The following MYO6 variants were observed in gnomAD, a reference collection of about 807,000 sequenced individuals.
MYO6 encodes the protein unconventional myosin-VI.
In MYO6, 74 loss-of-function variants were observed where a neutral mutation model predicts 178.7. The ratio of observed to expected loss-of-function variants is 0.41; its 90% confidence interval spans 0.34 to 0.50. The LOEUF (loss-of-function observed/expected upper bound fraction) is 0.50, where lower values mean the gene tolerates loss of function less well. MYO6 is among the 20% of genes least tolerant of loss of function. MYO6 has a pLI of 0.09. For missense variants in MYO6, 1,330 were observed against 1,547.4 expected (o/e 0.86, Z 2.36); for synonymous variants, 477 against 504.6 (o/e 0.95, Z 0.73).
intron 5 of MYO6, among the ~76,000 whole-genome samples, chr6:75,832,121 T>A (rs1371966308): frequency 1.3e-5 from 2 of 152,190 alleles, no homozygotes; most frequent in Non-Finnish European, 2.9e-5. Context: ...TGCTTTCAAC[T>A]TGTCTGTGTA....
chr6:75,792,755 C>T (rs1215797047), intron 1 of MYO6, among the ~76,000 whole-genome samples: 1 of 151,874 alleles, frequency 6.6e-6, no homozygotes, highest in African/African-American at 2.4e-5. Flanking sequence ...TTGAACATTT[C>T]TGTGAAACTT....
chr6:75,916,163 A>G lies in MYO6; in HGVS notation c.*1151A>G, dbSNP rs531054916. ...ATTTGGAATTTAAAGACAAAAATAC[A>G]TCAAGGAGTTATGCTGACATAATTC... On this transcript the variant is annotated 3_prime_UTR_variant, in exon 35 of 35. Transcript: ENST00000369977. 21 of 152,368 alleles carry G rather than the reference A, an allele frequency of 1.4e-4. No homozygotes were observed. The highest frequency in any genetic ancestry group is 1.0e-3 in the South Asian group (5 of 4,830). 9.4% of individuals were successfully genotyped at this position (152,368 alleles called of 1,614,324 possible).
intron 1 of MYO6, among the ~76,000 whole-genome samples, chr6:75,760,372 A>C (rs1249543477): frequency 1.3e-5 from 2 of 152,192 alleles, no homozygotes; most frequent in Non-Finnish European, 2.9e-5. Flanking sequence ...TAGGGATATA[A>C]GTAATACTCC....
At chr6:75,821,626 C>CACACAA (rs946099570) in intron 2 of MYO6, among the ~76,000 whole-genome samples, 4 of 151,264 alleles carry the variant, frequency 2.6e-5, no homozygotes, top group African/African-American at 9.7e-5. Flanking sequence ...TGTAGCTTTA[C>CACACAA]ACACACACAC....
chr6:75,882,592 C>T (rs1778129523), intron 23 of MYO6, among the ~76,000 whole-genome samples: 1 of 151,740 alleles, frequency 6.6e-6, no homozygotes, highest in Non-Finnish European at 1.5e-5. Flanking sequence ...ATGAAAGTCC[C>T]AAAACTAGGA....
chr6:75,802,012 TAAGA>T (rs987008718), intron 1 of MYO6, among the ~76,000 whole-genome samples: 3 of 152,198 alleles, frequency 2.0e-5, no homozygotes, highest in African/African-American at 7.2e-5. Flanking sequence ...GTATGTCAAT[TAAGA>T]AAGAATAATA....
At position 75,855,276 on chromosome 6, in the gene MYO6, G is replaced by C. The variant is rs377562418; in HGVS notation, c.1216G>C (p.Val406Leu). ...LTTAGGTKGT[V>L]IKVPLKVEQA... is the part of the protein sequence containing the mutation. ...AACAGCAGGGGGCACCAAAGGAACA[G>C]TTATAAAGTAAGTTCCTTAAGTAAT... is the stretch of plus-strand genomic sequence containing the variant. Residue 406 changes from valine to leucine, a missense_variant, in exon 12 of 35, where the codon GTT (valine) becomes CTT (leucine). By Grantham distance (32) the Val-to-Leu change is conservative. This residue lies in a region of MYO6 where 613 missense variants were observed against 816.8 expected (regional missense o/e 0.75). Coordinates refer to ENST00000369977, the MANE Select transcript of MYO6 (RefSeq NM_004999.4). 36 of 1,613,240 alleles carry C rather than the reference G, an allele frequency of 2.2e-5. No individual in the cohort carries two copies. The highest frequency in any genetic ancestry group is 3.0e-5 in the Non-Finnish European group (35 of 1,179,548).
chr6:75,901,564 A>G (rs62414806), intron 30 of MYO6, among the ~76,000 whole-genome samples: 34,498 of 152,010 alleles, frequency 0.23, 5,131 homozygotes, highest in Middle Eastern at 0.38. Flanking sequence ...TGATTTTTGT[A>G]CATTGATTTT....
At chr6:75,871,803 A>C (rs1777173819) in intron 19 of MYO6, among the ~76,000 whole-genome samples, 3 of 152,012 alleles carry the variant, frequency 2.0e-5, no homozygotes, top group Non-Finnish European at 2.9e-5. Context: ...GATTTATAGA[A>C]AAAAAAGCAT....
rs999033302 is a variant in MYO6, at chr6:75,917,068, C to T, written c.*2056C>T. 1.3e-5 allele frequency: 2 copies of T among 152,320 alleles called. No homozygotes were observed. Among genetic ancestry groups the T allele is most frequent in the African/African-American group, 4.8e-5 (2 of 41,442 alleles). 9.4% of individuals were successfully genotyped at this position (152,320 alleles called of 1,614,324 possible). On this transcript the variant is annotated 3_prime_UTR_variant, in exon 35 of 35. Coordinates refer to ENST00000369977, the MANE Select transcript of MYO6 (RefSeq NM_004999.4). ...CAGTAACCTACGTACAGTAGATGCA[C>T]ATACACACAGACACCCCTTTGCTGG...
chr6:75,827,629 A>G (rs1772620108), intron 3 of MYO6, among the ~76,000 whole-genome samples: 1 of 152,142 alleles, frequency 6.6e-6, no homozygotes, highest in African/African-American at 2.4e-5. Flanking sequence ...AAAAGAGGTA[A>G]TGAGAACTAA....
chr6:75,877,404 T>C (rs1349858815), intron 20 of MYO6, among the ~76,000 whole-genome samples: 1 of 151,952 alleles, frequency 6.6e-6, no homozygotes, highest in Admixed American at 6.6e-5. Flanking sequence ...GTAGGTGGGA[T>C]TACAGGCGCC....
At chr6:75,820,288 T>C (rs1471846552) in intron 2 of MYO6, among the ~76,000 whole-genome samples, 1 of 152,184 alleles carries the variant, frequency 6.6e-6, no homozygotes, top group African/African-American at 2.4e-5. Context: ...GTCCTTACCA[T>C]ACCCCAGGTG....
chr6:75,815,467 A>G (rs961514447), intron 1 of MYO6, among the ~76,000 whole-genome samples: 1 of 152,338 alleles, frequency 6.6e-6, no homozygotes, highest in South Asian at 2.1e-4. Flanking sequence ...AACTTTGAGC[A>G]TCACTCATAC....
At chr6:75,840,736 C>A in intron 8 of MYO6, 54 bp downstream of exon 8, 3 of 1,325,180 alleles carry the variant, frequency 2.3e-6, no homozygotes, top group Non-Finnish European at 3.2e-6. Flanking sequence ...TGTGAAAATG[C>A]AAGGGTCAGT....
chr6:75,866,672 G>A (rs1443665952), intron 17 of MYO6, 51 bp downstream of exon 17: 2 of 1,423,882 alleles, frequency 1.4e-6, no homozygotes, highest in East Asian at 2.3e-5. Flanking sequence ...AAGCTGCACT[G>A]TACAGTATGA....
chr6:75,891,368 C>G, intron 27 of MYO6, 62 bp downstream of exon 27: 1 of 1,283,418 alleles, frequency 7.8e-7, no homozygotes, highest in Non-Finnish European at 1.1e-6. Flanking sequence ...TGTGGTGGCT[C>G]ATGCCTGTAA....
intron 25 of MYO6, among the ~76,000 whole-genome samples, chr6:75,887,639 C>A (rs200494583): frequency 6.0e-3 from 648 of 107,800 alleles, no homozygotes; most frequent in Non-Finnish European, 7.1e-3. Context: ...GACTCCATCT[C>A]AAAAAAAAAA....
chr6:75,904,539 A>G (rs966373641), intron 30 of MYO6, among the ~76,000 whole-genome samples: 3 of 152,038 alleles, frequency 2.0e-5, no homozygotes, highest in Admixed American at 2.0e-4. Flanking sequence ...AGGCTTCTGC[A>G]TTCTTCACGT....
Sources: allele counts gnomAD v4.1 joint callset (sites outside exome capture counted in the v4.1 genomes callset), GRCh38; gene constraint gnomAD v4.1.1; regional missense constraint gnomAD v4.1.1; transcripts MANE v1.5; gene names NCBI Gene and HGNC (gene_info 2026-07-23, HGNC 2026-07-21).